ETNPPL: variants seen among roughly 807,000 people sequenced by gnomAD.
ETNPPL encodes alanine--glyoxylate aminotransferase 2-like 1.
ETNPPL carries 30 observed loss-of-function variants against 55.5 expected under a neutral mutation model. That is an observed-to-expected ratio of 0.54 (90% CI 0.40 to 0.73). ETNPPL has a LOEUF of 0.73. Among genes scored for constraint, ETNPPL ranks in the 30% least tolerant of loss-of-function variants. ETNPPL has a pLI of 0.00. For missense variants in ETNPPL, 528 were observed against 607.9 expected (o/e 0.87, Z 1.38); for synonymous variants, 202 against 207.2 (o/e 0.98, Z 0.21).
intron 6 of ETNPPL, among the ~76,000 whole-genome samples, chr4:108,752,423 C>T (rs1334920809): frequency 6.6e-6 from 1 of 152,152 alleles, no homozygotes; most frequent in Non-Finnish European, 1.5e-5. Context: ...GAAGTCCAGG[C>T]CCACATCGGA....
In ETNPPL at chr4:108,742,519, T is replaced by C. The variant is rs1728266423; in HGVS notation, c.1465A>G (p.Thr489Ala). The stretch of plus-strand genomic sequence containing the variant: ...AGCCTCTTACTGAGCAGTGAATGTG[T>C]ATCCGTGCACATTCCATTTCTCTTT... ...SRKRNGMCTD[T>A]HSLLSKRLKT The change falls in exon 13 of 13, where the codon ACA becomes GCA. Residue 489 changes from threonine (T) to alanine (A), a missense_variant. Physicochemically the swap from Thr to Ala is moderately conservative, Grantham distance 58 (BLOSUM62 0). Transcript: ENST00000296486. The C allele has an allele frequency of 3.1e-6, 5 of 1,613,844 alleles. No homozygotes were observed. Among genetic ancestry groups the C allele is most frequent in the Non-Finnish European group, 4.2e-6 (5 of 1,179,676 alleles).
intron 11 of ETNPPL, 146 bp from the exon 12 acceptor site, chr4:108,744,002 C>T: frequency 1.6e-6 from 1 of 622,620 alleles, no homozygotes; most frequent in South Asian, 2.0e-5. Flanking sequence ...GTGGCTCATG[C>T]CTGTCATCCC....
chr4:108,753,316 A>C (rs574842603), intron 5 of ETNPPL, among the ~76,000 whole-genome samples: 8 of 152,330 alleles, frequency 5.3e-5, no homozygotes, highest in African/African-American at 1.9e-4. Context: ...CAGTGAATGG[A>C]AACTGTATTA....
chr4:108,750,373 C>A (rs553326618), intron 7 of ETNPPL, among the ~76,000 whole-genome samples: 3 of 151,892 alleles, frequency 2.0e-5, no homozygotes, highest in Non-Finnish European at 4.4e-5. Flanking sequence ...ATGCTTCCTG[C>A]CCTCAAACAT....
intron 4 of ETNPPL, among the ~76,000 whole-genome samples, chr4:108,755,428 T>C (rs555441970): frequency 2.0e-5 from 3 of 152,194 alleles, no homozygotes; most frequent in Non-Finnish European, 4.4e-5. Context: ...CCAAAAGCAA[T>C]TGGGAAGGGC....
At chr4:108,747,207 T>TGTC (rs1728626184) in intron 9 of ETNPPL, among the ~76,000 whole-genome samples, 5 of 12,880 alleles carry the variant, frequency 3.9e-4, no homozygotes, top group African/African-American at 1.1e-3. Flanking sequence ...TATATATATA[T>TGTC]AATATATATA....
At chr4:108,752,200 C>T (rs1728947272) in intron 6 of ETNPPL, among the ~76,000 whole-genome samples, 1 of 149,742 alleles carries the variant, frequency 6.7e-6, no homozygotes, top group Admixed American at 6.6e-5. Flanking sequence ...AAGAAAAGGC[C>T]TCATTTTTAT....
chr4:108,759,400 CA>C (rs59227589), intron 3 of ETNPPL, among the ~76,000 whole-genome samples: 7,381 of 70,252 alleles, frequency 0.11, 266 homozygotes, highest in African/African-American at 0.24. Flanking sequence ...GGCTCCATCT[CA>C]AAAAAAAAAA....
At chr4:108,761,597 T>C (rs1729509604) in intron 1 of ETNPPL, among the ~76,000 whole-genome samples, 2 of 152,222 alleles carry the variant, frequency 1.3e-5, no homozygotes, top group African/African-American at 4.8e-5. Flanking sequence ...TTCTCCTTTA[T>C]CCAGTCAGCC....
At chr4:108,762,739 C>A (rs1486136295) in intron 1 of ETNPPL, 104 bp downstream of exon 1, 3 of 1,369,910 alleles carry the variant, frequency 2.2e-6, no homozygotes, top group East Asian at 2.3e-5. Context: ...GCACGGAGTG[C>A]GGCTGCAGCG....
At position 108,754,726 on chromosome 4, in the gene ETNPPL, A is replaced by G; in HGVS notation, c.411-16T>C. 7.2e-7 allele frequency: 1 copy of G among 1,382,588 alleles called. No individual in the cohort carries two copies. Among genetic ancestry groups the G allele is most frequent in the Non-Finnish European group, 1.0e-6 (1 of 981,276 alleles). 85.6% of individuals were successfully genotyped at this position (1,382,588 alleles called of 1,614,324 possible). ...ATGGTAAGCACTGAAGAGACAAAGAAAAAAAAGCAGTAATCAAAATAATTC... is the reference window on the plus strand; with the variant it reads ...ATGGTAAGCACTGAAGAGACAAAGAGAAAAAAGCAGTAATCAAAATAATTC... On this transcript the variant is annotated splice_polypyrimidine_tract_variant and intron_variant, in intron 4 of 12. Coordinates refer to ENST00000296486, the MANE Select transcript of ETNPPL (RefSeq NM_031279.4).
chr4:108,754,148 A>C (rs1578389374), intron 5 of ETNPPL, among the ~76,000 whole-genome samples: 1 of 151,094 alleles, frequency 6.6e-6, no homozygotes. Flanking sequence ...TAATTTTTGT[A>C]CTTTTTTTAA....
In ETNPPL at chr4:108,760,305, G is replaced by A; in HGVS notation, c.58C>T (p.Pro20Ser). 6.4e-7 allele frequency: 1 copy of A among 1,566,298 alleles called. No homozygotes were observed. Among genetic ancestry groups the A allele is most frequent in the Non-Finnish European group, 8.8e-7 (1 of 1,138,246 alleles). The change falls in exon 2 of 13, where the codon CCC (proline) becomes TCC (serine). Residue 20 changes from proline (P) to serine (S), a missense_variant and splice_region_variant. Pro to Ser is a moderately conservative substitution (Grantham distance 74). Coordinates refer to ENST00000296486, the MANE Select transcript of ETNPPL (RefSeq NM_031279.4). ...TLGLRKKHIG[P>S]SCKVFFASDP... Reference sequence around the variant, plus strand: ...GATGCAAAGAAAACTTTGCATGAGGGCCTAGAAATAATCAAAGGAAACACT... The same window carrying A: ...GATGCAAAGAAAACTTTGCATGAGGACCTAGAAATAATCAAAGGAAACACT...
chr4:108,762,365 A>T, intron 1 of ETNPPL: 1 of 469,836 alleles, frequency 2.1e-6, no homozygotes, highest in South Asian at 1.5e-5. Context: ...TTAACCAAGC[A>T]TGCAAGAAGA....
intron 6 of ETNPPL, among the ~76,000 whole-genome samples, chr4:108,752,221 GT>G (rs33948277): frequency 0.16 from 24,530 of 151,696 alleles, 2,810 homozygotes; most frequent in East Asian, 0.48. Context: ...TTCAGTTAAG[GT>G]TTTTTTTTAA....
At chr4:108,746,694 G>A in intron 10 of ETNPPL, 68 bp downstream of exon 10, 1 of 1,530,618 alleles carries the variant, frequency 6.5e-7, no homozygotes. Context: ...AGGAAGTCAA[G>A]CAAGCTTTCA....
chr4:108,756,865 C>A (rs1729232105), intron 3 of ETNPPL, among the ~76,000 whole-genome samples: 1 of 152,134 alleles, frequency 6.6e-6, no homozygotes. Flanking sequence ...ATGTTAATTA[C>A]AAAAGTTGTA....
rs1164661418 is a variant in ETNPPL, at chr4:108,750,614, G to GATATATATTTTATATATATATAT, written c.701+321_701+322insATATATATATATAAAATATATAT. Among the ~76,000 whole-genome samples the GATATATATTTTATATATATATAT allele has an allele frequency of 2.3e-4, 28 of 121,650 alleles. 1 individual carries two copies. The highest frequency in any genetic ancestry group is 8.8e-4 in the African/African-American group (27 of 30,710). 79.8% of individuals were successfully genotyped at this position (121,650 alleles called of 152,430 possible). On this transcript the variant is annotated intron_variant, in intron 7 of 12. Coordinates refer to ENST00000296486, the MANE Select transcript of ETNPPL (RefSeq NM_031279.4). ...GATATATCATATATGATATATATAG[G>GATATATATTTTATATATATATAT]ATATATATATATCCTATTAGTTTGG...
chr4:108,744,191 A>G (rs1008085226), intron 11 of ETNPPL, among the ~76,000 whole-genome samples: 1 of 152,022 alleles, frequency 6.6e-6, no homozygotes, highest in African/African-American at 2.4e-5. Context: ...AACCTGGGAC[A>G]CAGAAGTTGC....
Sources: gnomAD v4.1 joint callset for allele counts (sites outside exome capture counted in the v4.1 genomes callset) on GRCh38, gnomAD v4.1.1 for gene constraint, MANE v1.5 for transcripts, NCBI Gene and HGNC (gene_info 2026-07-23, HGNC 2026-07-21) for gene names.